The following LMO7 variants were observed in gnomAD, a reference collection of about 807,000 sequenced individuals.
The protein encoded by LMO7 is LIM domain 7, also known as LIM domain only protein 7.
A neutral mutation model predicts 206.5 loss-of-function variants in LMO7; 120 were observed. The ratio of observed to expected loss-of-function variants is 0.58; its 90% confidence interval spans 0.50 to 0.68. The LOEUF (loss-of-function observed/expected upper bound fraction) is 0.68. Ranked by LOEUF, LMO7 falls within the 30% of genes least tolerant of loss-of-function variation. The pLI, the probability that LMO7 is intolerant of heterozygous loss-of-function variation, is 0.00. For missense variants in LMO7, 1,959 were observed against 1,957.9 expected (o/e 1.00, Z -0.01); for synonymous variants, 706 against 681.5 (o/e 1.04, Z -0.56).
intron 3 of LMO7, among the ~76,000 whole-genome samples, chr13:75,740,308 G>A (rs534751261): frequency 6.6e-6 from 1 of 152,290 alleles, no homozygotes; most frequent in East Asian, 1.9e-4. Flanking sequence ...AAACACTGGG[G>A]CTGGGTTTGG....
intron 3 of LMO7, among the ~76,000 whole-genome samples, chr13:75,754,704 T>A (rs1010034714): frequency 4.0e-4 from 61 of 152,268 alleles, no homozygotes; most frequent in African/African-American, 1.4e-3. Flanking sequence ...AGCACTTACA[T>A]TACTGATGAA....
At chr13:75,621,637 T>G in exon 1 of LMO7, 1 of 1,028,214 alleles carries the variant, frequency 9.7e-7, no homozygotes, top group Admixed American at 2.9e-5. Context: ...CAAGTGCAAA[T>G]AAGTTCAATA....
chr13:75,631,960 T>C (rs1363905949), upstream of LMO7: 4 of 152,176 alleles, frequency 2.6e-5, no homozygotes, highest in Non-Finnish European at 5.9e-5. Flanking sequence ...AGTGTGGGCA[T>C]TTGAAAAACT....
chr13:75,766,424 G>A (rs1359212018), intron 4 of LMO7, among the ~76,000 whole-genome samples: 1 of 152,002 alleles, frequency 6.6e-6, no homozygotes, highest in African/African-American at 2.4e-5. Flanking sequence ...ACTTCATCCA[G>A]TAAGAGGAAA....
At chr13:75,712,950 A>G (rs2043235857) in intron 1 of LMO7, among the ~76,000 whole-genome samples, 1 of 152,170 alleles carries the variant, frequency 6.6e-6, no homozygotes, top group African/African-American at 2.4e-5. Context: ...GAAAACACTC[A>G]TTGTAATTTT....
chr13:75,778,568 T>G (rs751372997), intron 4 of LMO7, among the ~76,000 whole-genome samples: 31 of 152,222 alleles, frequency 2.0e-4, no homozygotes, highest in Admixed American at 3.9e-4. Flanking sequence ...CTTAAGCAGA[T>G]GTAAGCACCG....
Position 75,807,755 on chromosome 13 carries a change from A to G in LMO7, c.1472A>G (p.Asp491Gly), listed in dbSNP as rs778149502. 2.5e-6 allele frequency: 4 copies of G among 1,613,868 alleles called. No individual in the cohort carries two copies. Among genetic ancestry groups the G allele is most frequent in the Admixed American group, 3.3e-5 (2 of 60,006 alleles). ...FEDFRKFSEQDDSVERDIILQ... is the reference protein window; with the variant it reads ...FEDFRKFSEQGDSVERDIILQ... ...GACTTTAGAAAGTTCTCTGAGCAAG[A>G]TGATTCTGTAGAGCGAGATATAATT... is the stretch of plus-strand genomic sequence containing the variant. The change falls in exon 10 of 31, where the codon GAT becomes GGT. Residue 491 changes from aspartate to glycine, a missense_variant. Physicochemically the swap from Asp to Gly is moderately conservative, Grantham distance 94 (BLOSUM62 -1). Transcript: ENST00000377534.
At chr13:75,620,776 A>C (rs2033275067) in exon 1 of LMO7, 1 of 152,134 alleles carries the variant, frequency 6.6e-6, no homozygotes, top group Non-Finnish European at 1.5e-5. Flanking sequence ...TTTCCCACTA[A>C]GTGGCTTTCC....
intron 1 of LMO7, among the ~76,000 whole-genome samples, chr13:75,702,157 T>G (rs1394236029): frequency 6.7e-6 from 1 of 149,512 alleles, no homozygotes; most frequent in Non-Finnish European, 1.5e-5. Context: ...TAACGATGAT[T>G]GAGTGAGAAT....
intron 2 of LMO7, among the ~76,000 whole-genome samples, chr13:75,719,279 C>T (rs1164073909): frequency 6.6e-6 from 1 of 152,182 alleles, no homozygotes; most frequent in African/African-American, 2.4e-5. Context: ...TGCACCCAAC[C>T]AGTTCGTGTC....
intron 20 of LMO7, chr13:75,838,508 TG>T: frequency 2.5e-6 from 1 of 393,636 alleles, no homozygotes; most frequent in South Asian, 3.0e-5. Context: ...TTGTTTCCAC[TG>T]GGTAACAGTA....
At chr13:75,841,065 A>G (rs934846676) in intron 22 of LMO7, 44 bp from the exon 23 acceptor site, 2 of 1,212,938 alleles carry the variant, frequency 1.6e-6, no homozygotes, top group African/African-American at 3.0e-5. Context: ...TCCTAATGTG[A>G]AGAGTTAATC....
At chr13:75,674,924 G>A (rs1313825186) in intron 1 of LMO7, among the ~76,000 whole-genome samples, 1 of 152,178 alleles carries the variant, frequency 6.6e-6, no homozygotes, top group African/African-American at 2.4e-5. Flanking sequence ...GTGATATCTT[G>A]TTGAAATTAC....
intron 5 of LMO7, among the ~76,000 whole-genome samples, chr13:75,796,099 T>C (rs1419955759): frequency 6.6e-6 from 1 of 152,164 alleles, no homozygotes; most frequent in Non-Finnish European, 1.5e-5. Context: ...TTTATAGGAG[T>C]AAATAGGAAA....
At chr13:75,793,440 T>C (rs190718293) in intron 4 of LMO7, among the ~76,000 whole-genome samples, 1 of 152,290 alleles carries the variant, frequency 6.6e-6, no homozygotes, top group Non-Finnish European at 1.5e-5. Context: ...CACGCCTGGC[T>C]AATTTTTGTC....
chr13:75,837,352 C>T (rs929767991), intron 19 of LMO7, among the ~76,000 whole-genome samples: 7 of 152,104 alleles, frequency 4.6e-5, no homozygotes, highest in African/African-American at 1.7e-4. Flanking sequence ...ATGTAAAGCA[C>T]CGGGTCCTAT....
intron 4 of LMO7, among the ~76,000 whole-genome samples, chr13:75,767,262 C>A (rs554235526): frequency 2.6e-5 from 4 of 152,020 alleles, no homozygotes; most frequent in Non-Finnish European, 5.9e-5. Flanking sequence ...TCAGTGTCTT[C>A]ATATCATAAT....
At position 75,795,449 on chromosome 13, in the gene LMO7, T is replaced by C; in HGVS notation, c.348+18T>C. On this transcript the variant is annotated intron_variant, in intron 5 of 30. Transcript: ENST00000377534. ...TGAAAAATGTAAGATACATTTACCT[T>C]AATGGAGCATTATAAGTGGCTTTCA... 1 of 1,562,778 alleles carries C rather than the reference T, an allele frequency of 6.4e-7. No homozygotes were observed. The highest frequency in any genetic ancestry group is 1.8e-5 in the Admixed American group (1 of 57,142).
chr13:75,697,157 C>T lies in LMO7; in HGVS notation c.70-16025C>T, dbSNP rs79860604. Among the ~76,000 whole-genome samples the T allele has an allele frequency of 8.7e-3, 1,319 of 152,242 alleles. 17 individuals carry two copies. The highest frequency in any genetic ancestry group is 0.031 in the African/African-American group (1,272 of 41,538). On this transcript the variant is annotated intron_variant, in intron 1 of 30. Coordinates refer to ENST00000377534, the MANE Select transcript of LMO7 (RefSeq NM_001306080.2). ...AGGTGGAAGCAGAGAGAGCTAGCCA[C>T]ACTCTGGAAGGAGGTCGGGTGACTT...
Sources: gnomAD v4.1 joint callset for allele counts (sites outside exome capture counted in the v4.1 genomes callset) on GRCh38, gnomAD v4.1.1 for gene constraint, MANE v1.5 for transcripts, NCBI Gene and HGNC (gene_info 2026-07-23, HGNC 2026-07-21) for gene names.